BRINP3: variants seen among roughly 807,000 people sequenced by gnomAD.
The protein encoded by BRINP3 is BMP/retinoic acid inducible neural specific 3.
Under a neutral mutation model 71.0 loss-of-function variants are expected in BRINP3, and 19 were observed. The observed-to-expected ratio is 0.27, with a 90% confidence interval of 0.19 to 0.39. The LOEUF (loss-of-function observed/expected upper bound fraction) is 0.39, where lower values mean the gene tolerates loss of function less well. BRINP3 is among the 10% of genes least tolerant of loss of function. BRINP3 has a pLI of 1.00. For missense variants in BRINP3, 959 were observed against 940.8 expected, an observed-to-expected ratio of 1.02 and a Z score of -0.25; for synonymous variants, 380 against 337.7, an observed-to-expected ratio of 1.13 and a Z score of -1.37.
At chr1:190,323,662 G>T (rs1666395778) in intron 2 of BRINP3, among the ~76,000 whole-genome samples, 1 of 151,324 alleles carries the variant, frequency 6.6e-6, no homozygotes, top group Non-Finnish European at 1.5e-5. Flanking sequence ...ACAGTTCTCT[G>T]TGGTTGAATA....
intron 1 of BRINP3, among the ~76,000 whole-genome samples, chr1:190,472,870 T>C (rs1308253149): frequency 6.6e-6 from 1 of 151,228 alleles, no homozygotes; most frequent in East Asian, 1.9e-4. Context: ...CCTACTTAGG[T>C]TTTATTTACT....
Position 190,099,066 on chromosome 1 carries a change from C to G in BRINP3, c.1253G>C (p.Ser418Thr). 6.2e-7 allele frequency: 1 copy of G among 1,614,122 alleles called. No individual in the cohort carries two copies. The highest frequency in any genetic ancestry group is 1.1e-5 in the South Asian group (1 of 91,080). Residue 418 changes from serine to threonine, a missense_variant, in exon 8 of 8, where the codon AGC (serine) becomes ACC (threonine). Transcript: ENST00000367462. Reference sequence around the variant, plus strand: ...GCACGAGTGCGTCTCTTCTGAAAAGCTGCCTAGGAGGCCGTTCTCATTGCA... The same window carrying G: ...GCACGAGTGCGTCTCTTCTGAAAAGGTGCCTAGGAGGCCGTTCTCATTGCA... ...LYCNENGLLG[S>T]FSEETHSCTC...
intron 3 of BRINP3, among the ~76,000 whole-genome samples, chr1:190,276,486 A>C (rs1039352437): frequency 1.3e-5 from 2 of 151,636 alleles, no homozygotes. Flanking sequence ...CAAATAACCC[A>C]AAAAATTATA....
intron 1 of BRINP3, among the ~76,000 whole-genome samples, chr1:190,460,768 C>T (rs1676339511): frequency 1.3e-5 from 2 of 152,188 alleles, no homozygotes; most frequent in South Asian, 4.1e-4. Context: ...TTTCTTATCT[C>T]ACTAAATGAT....
chr1:190,277,263 G>A (rs1285058039), intron 3 of BRINP3, among the ~76,000 whole-genome samples: 1 of 150,532 alleles, frequency 6.6e-6, no homozygotes, highest in Non-Finnish European at 1.5e-5. Flanking sequence ...GAAAGAGGCT[G>A]CCCATGAAAA....
intron 2 of BRINP3, among the ~76,000 whole-genome samples, chr1:190,332,423 C>CG (rs1441695921): frequency 2.6e-5 from 4 of 151,998 alleles, no homozygotes; most frequent in Non-Finnish European, 4.4e-5. Context: ...TTTACCACTG[C>CG]ACCTGTCCAT....
intron 4 of BRINP3, among the ~76,000 whole-genome samples, chr1:190,258,130 G>C (rs965793130): frequency 6.6e-6 from 1 of 152,224 alleles, no homozygotes; most frequent in African/African-American, 2.4e-5. Flanking sequence ...TGAACTGTGG[G>C]GGGCTCTGCC....
chr1:190,267,212 T>C (rs1260524509), intron 3 of BRINP3, among the ~76,000 whole-genome samples: 1 of 152,114 alleles, frequency 6.6e-6, no homozygotes, highest in African/African-American at 2.4e-5. Context: ...CTTTCAATAA[T>C]ACACAGAACA....
chr1:190,140,096 CA>C (rs1364981951), intron 7 of BRINP3, among the ~76,000 whole-genome samples: 7 of 152,062 alleles, frequency 4.6e-5, no homozygotes, highest in Non-Finnish European at 7.4e-5. Flanking sequence ...ACATCTATAG[CA>C]AATAGTGGAA....
intron 6 of BRINP3, among the ~76,000 whole-genome samples, chr1:190,187,834 A>T (rs1571943899): frequency 6.7e-6 from 1 of 149,900 alleles, no homozygotes. Flanking sequence ...GGTTTGTTCT[A>T]TTTGCTCAGG....
At chr1:190,289,592 A>C (rs1326115593) in intron 2 of BRINP3, among the ~76,000 whole-genome samples, 1 of 151,984 alleles carries the variant, frequency 6.6e-6, no homozygotes. Flanking sequence ...ACACACAAAC[A>C]CTTTATAAAA....
intron 2 of BRINP3, among the ~76,000 whole-genome samples, chr1:190,283,704 A>T (rs1663210672): frequency 6.7e-6 from 1 of 150,164 alleles, no homozygotes; most frequent in African/African-American, 2.4e-5. Context: ...AGATCATTTG[A>T]AATCAAATAT....
chr1:190,141,984 T>C (rs1655493377), intron 7 of BRINP3, among the ~76,000 whole-genome samples: 1 of 151,986 alleles, frequency 6.6e-6, no homozygotes, highest in Non-Finnish European at 1.5e-5. Context: ...GTTTAAAAAG[T>C]AAAAAGTAAA....
intron 6 of BRINP3, among the ~76,000 whole-genome samples, chr1:190,170,518 C>T (rs982098518): frequency 2.4e-4 from 37 of 152,108 alleles, no homozygotes; most frequent in African/African-American, 8.2e-4. Context: ...TCATATAAAA[C>T]GTGAAGCCAT....
At chr1:190,358,267 A>C (rs540689574) in intron 2 of BRINP3, among the ~76,000 whole-genome samples, 1 of 152,312 alleles carries the variant, frequency 6.6e-6, no homozygotes, top group South Asian at 2.1e-4. Context: ...CTCATCTGAC[A>C]AAGGGCTAAT....
intron 7 of BRINP3, among the ~76,000 whole-genome samples, chr1:190,145,025 T>G (rs1655769779): frequency 6.6e-6 from 1 of 152,188 alleles, no homozygotes; most frequent in South Asian, 2.1e-4. Context: ...GGCATGTCCT[T>G]TTTTTCTTTT....
chr1:190,149,625 T>TTGTGTGTGTGTG (rs71669261), intron 7 of BRINP3, among the ~76,000 whole-genome samples: 1 of 146,528 alleles, frequency 6.8e-6, no homozygotes, highest in African/African-American at 2.5e-5. Context: ...TGTTGAGTAG[T>TTGTGTGTGTGTG]TGTGTGTGTG....
chr1:190,158,947 T>C (rs978149043), intron 7 of BRINP3, among the ~76,000 whole-genome samples: 4 of 151,754 alleles, frequency 2.6e-5, no homozygotes. Flanking sequence ...ATAGAATTAA[T>C]TATCTGTATA....
intron 7 of BRINP3, among the ~76,000 whole-genome samples, chr1:190,124,586 C>T (rs1653941782): frequency 6.6e-6 from 1 of 152,142 alleles, no homozygotes; most frequent in East Asian, 1.9e-4. Flanking sequence ...TTTAAAAAAT[C>T]ATTTCAGGTT....
Sources: gnomAD v4.1 joint callset for allele counts (sites outside exome capture counted in the v4.1 genomes callset) on GRCh38, gnomAD v4.1.1 for gene constraint, MANE v1.5 for transcripts, NCBI Gene and HGNC (gene_info 2026-07-23, HGNC 2026-07-21) for gene names.